Variants in TTC7A observed in about 807,000 individuals in gnomAD.
The protein encoded by TTC7A is tetratricopeptide repeat domain 7A.
Under a neutral mutation model 103.7 loss-of-function variants are expected in TTC7A, and 110 were observed. The ratio of observed to expected loss-of-function variants is 1.06; its 90% CI spans 0.91 to 1.24. The LOEUF (loss-of-function observed/expected upper bound fraction) is 1.24. Ranked by LOEUF, TTC7A falls within the 50% of genes most tolerant of loss-of-function variation. The pLI, the probability that TTC7A is intolerant of heterozygous loss-of-function variation, is 0.00. For synonymous variants in TTC7A, 521 were observed against 467.9 expected, an observed-to-expected ratio of 1.11 and a Z score of -1.47; for missense variants, 1,340 against 1,116.3, an observed-to-expected ratio of 1.20 and a Z score of -2.86.
At chr2:46,943,992 A>G (rs1670700330) in intron 1 of TTC7A, among the ~76,000 whole-genome samples, 1 of 152,176 alleles carries the variant, frequency 6.6e-6, no homozygotes, top group African/African-American at 2.4e-5. Flanking sequence ...GGAGATACTT[A>G]GCAGAGTAGG....
intron 3 of TTC7A, among the ~76,000 whole-genome samples, chr2:46,967,877 T>TC (rs1448169842): frequency 1.3e-5 from 2 of 152,146 alleles, no homozygotes; most frequent in African/African-American, 2.4e-5. Flanking sequence ...CCTTTCGGTT[T>TC]CCCCCCGAGA....
intron 11 of TTC7A, among the ~76,000 whole-genome samples, chr2:47,020,867 G>A (rs1432100378): frequency 6.6e-6 from 1 of 152,234 alleles, no homozygotes; most frequent in East Asian, 1.9e-4. Flanking sequence ...GCCTGAGCAG[G>A]GATGGGGGCC....
rs887082345 is a variant in TTC7A, at chr2:46,950,642, GC to G, written c.348+119del. 5.3e-5 allele frequency: 63 copies of G among 1,186,834 alleles called. No homozygotes were observed. The African/African-American group carries it at 8.6e-4, about 16-fold the overall frequency. The allele number at this position is 1,186,834 out of a possible 1,614,324, so 73.5% of individuals were successfully genotyped here. A position where few individuals can be genotyped will look rare whatever the true frequency, so the allele number is the denominator to read the frequency against. On this transcript the variant is annotated intron_variant, in intron 2 of 19. Transcript: ENST00000319190. ...GAGCAACAAGTCTCTCTTACAAGCTGCCCTTGCACTTACAGTAGCCACTGGC... is the reference window on the plus strand; with the variant it reads ...GAGCAACAAGTCTCTCTTACAAGCTGCCTTGCACTTACAGTAGCCACTGGC...
chr2:46,982,292 T>G (rs889951125), intron 5 of TTC7A, among the ~76,000 whole-genome samples: 1 of 152,162 alleles, frequency 6.6e-6, no homozygotes, highest in Non-Finnish European at 1.5e-5. Context: ...GAGGATCATC[T>G]GAGCCTGGCA....
At chr2:47,038,900 T>G (rs780573699) in intron 15 of TTC7A, among the ~76,000 whole-genome samples, 16 of 152,058 alleles carry the variant, frequency 1.1e-4, no homozygotes, top group Non-Finnish European at 2.1e-4. Context: ...TTGAGTGATA[T>G]GAGAGCAGGC....
chr2:47,061,869 T>G (rs115177706), intron 19 of TTC7A, among the ~76,000 whole-genome samples: 1,832 of 152,340 alleles, frequency 0.012, 42 homozygotes, highest in African/African-American at 0.042. Context: ...TCTGCACAAG[T>G]GATTTTTGAA....
chr2:47,026,977 G>A (rs73929357), intron 14 of TTC7A, among the ~76,000 whole-genome samples: 3,346 of 152,186 alleles, frequency 0.022, 103 homozygotes, highest in African/African-American at 0.074. Context: ...CCACATCACC[G>A]CGTGAACATG....
rs13388612 is a variant in TTC7A, at chr2:46,917,064, C to G, written c.-12-120C>G. The G allele has an allele frequency of 0.089, 57,145 of 643,898 alleles. 3,680 individuals are homozygous for G. Among genetic ancestry groups the G allele is most frequent in the African/African-American group, 0.25 (13,883 of 54,556 alleles). The allele number at this position is 643,898 out of a possible 1,614,324, so 39.9% of individuals were successfully genotyped here. ...AAGTAGTTAGATGCCTTGAAAGTTG[C>G]CTAACGCCACTGCCATTGACGGTCT... On this transcript the variant is annotated intron_variant, in intron 1 of 20. Coordinates refer to the TTC7A transcript ENST00000409245.
At chr2:47,018,604 T>C (rs1018587449) in intron 11 of TTC7A, among the ~76,000 whole-genome samples, 6 of 151,044 alleles carry the variant, frequency 4.0e-5, no homozygotes, top group African/African-American at 1.5e-4. Context: ...AAAAAAAGCT[T>C]ATATTATTAT....
At chr2:47,032,130 G>A (rs372679964) in intron 15 of TTC7A, among the ~76,000 whole-genome samples, 61 of 152,352 alleles carry the variant, frequency 4.0e-4, no homozygotes, top group African/African-American at 1.3e-3. Flanking sequence ...TGACAGTGCC[G>A]TTGGTCAGGG....
At position 47,021,994 on chromosome 2, in the gene TTC7A, C is replaced by A. The variant is rs989058809; in HGVS notation, c.1510+15C>A. Reference sequence around the variant, plus strand: ...GGCCACCGACGGTGAGTGCCAGGCCCCAGGAGGCCTCTACTTGGGGATGGC... The same window carrying A: ...GGCCACCGACGGTGAGTGCCAGGCCACAGGAGGCCTCTACTTGGGGATGGC... On this transcript the variant is annotated intron_variant, in intron 12 of 19. Transcript: ENST00000319190. The A allele has an allele frequency of 6.3e-7, 1 of 1,586,188 alleles. No individual in the cohort carries two copies. Among genetic ancestry groups the A allele is most frequent in the Non-Finnish European group, 8.6e-7 (1 of 1,157,496 alleles).
Position 47,060,900 on chromosome 2 carries a change from G to A in TTC7A, c.2284G>A (p.Glu762Lys). The change falls in exon 19 of 20, where the codon GAG (glutamate) becomes AAG (lysine). Residue 762 changes from glutamate to lysine, a missense_variant. Physicochemically the swap from Glu to Lys is moderately conservative, Grantham distance 56 (BLOSUM62 1). Transcript: ENST00000319190. ...GCTGGCTGAGGTGAAGGGCAACCTGGAGGAGGCCAAGCAGCTGTACAAGGA... is the reference window on the plus strand; with the variant it reads ...GCTGGCTGAGGTGAAGGGCAACCTGAAGGAGGCCAAGCAGCTGTACAAGGA... ...GRLAEVKGNLEEAKQLYKEAL... is the reference protein window; with the variant it reads ...GRLAEVKGNLKEAKQLYKEAL... 1.2e-6 allele frequency: 2 copies of A among 1,614,180 alleles called. No individual in the cohort carries two copies. The highest frequency in any genetic ancestry group is 2.2e-5 in the South Asian group (2 of 91,082).
At chr2:47,051,657 T>A (rs965814751) in intron 17 of TTC7A, 89 bp from the exon 18 acceptor site, 3 of 1,465,878 alleles carry the variant, frequency 2.0e-6, no homozygotes, top group Non-Finnish European at 2.7e-6. Flanking sequence ...GTGCCCTGTC[T>A]CCCCATGGTG....
At chr2:47,062,075 G>C (rs1169637126) in intron 19 of TTC7A, among the ~76,000 whole-genome samples, 1 of 152,190 alleles carries the variant, frequency 6.6e-6, no homozygotes, top group African/African-American at 2.4e-5. Flanking sequence ...TGCCAAAAGG[G>C]GGCTGATTTG....
At chr2:46,956,433 G>C (rs899764235) in intron 2 of TTC7A, among the ~76,000 whole-genome samples, 1 of 152,118 alleles carries the variant, frequency 6.6e-6, no homozygotes, top group African/African-American at 2.4e-5. Context: ...TGAGAAGCCT[G>C]GGGCTCCACA....
At chr2:46,939,774 C>T (rs761413795), upstream of TTC7A, among the ~76,000 whole-genome samples, 3 of 152,206 alleles carry the variant, frequency 2.0e-5, no homozygotes, top group Admixed American at 6.5e-5. Flanking sequence ...AAGTGAAATC[C>T]GGTTCTGGTG....
chr2:47,063,926 A>G (rs139599246), intron 19 of TTC7A, among the ~76,000 whole-genome samples: 1 of 152,348 alleles, frequency 6.6e-6, no homozygotes, highest in Admixed American at 6.5e-5. Flanking sequence ...GGCTGAAGAA[A>G]GCCCACTGGG....
At chr2:46,994,290 C>T (rs1036987200) in intron 6 of TTC7A, 67 bp from the exon 7 acceptor site, 30 of 1,532,520 alleles carry the variant, frequency 2.0e-5, no homozygotes, top group African/African-American at 1.1e-4. Context: ...GGGCAGAGGG[C>T]GTTCTAGGTC....
chr2:46,957,020 A>T lies in TTC7A; in HGVS notation c.517+13A>T. On this transcript the variant is annotated intron_variant, in intron 3 of 19. Transcript: ENST00000319190. ...TTTGTCATCAAAGGTAGCTGTGGGCACCAGCCTGGGCTCCCCTCCACTGTG... is the reference window on the plus strand; with the variant it reads ...TTTGTCATCAAAGGTAGCTGTGGGCTCCAGCCTGGGCTCCCCTCCACTGTG... 1.2e-6 allele frequency: 2 copies of T among 1,613,998 alleles called. No homozygotes were observed. Among genetic ancestry groups the T allele is most frequent in the Non-Finnish European group, 1.7e-6 (2 of 1,179,924 alleles).
Sources: allele counts gnomAD v4.1 joint callset (sites outside exome capture counted in the v4.1 genomes callset), GRCh38; gene constraint gnomAD v4.1.1; transcripts MANE v1.5; gene names NCBI Gene and HGNC (gene_info 2026-07-23, HGNC 2026-07-21).